Variants in TBC1D2 observed in about 807,000 individuals in gnomAD.
TBC1D2 encodes the protein TBC1 domain family member 2A.
Under a neutral mutation model 91.1 loss-of-function variants are expected in TBC1D2, and 58 were observed. That is an observed-to-expected ratio of 0.64 (90% CI 0.52 to 0.79). TBC1D2 has a LOEUF of 0.79. TBC1D2 is among the 30% of genes least tolerant of loss of function. The pLI is 0.00. For synonymous variants in TBC1D2, 482 were observed against 511.5 expected, an observed-to-expected ratio of 0.94 and a Z score of 0.78; for missense variants, 1,080 against 1,208.3, an observed-to-expected ratio of 0.89 and a Z score of 1.57.
chr9:98,229,718 C>T (rs1300248137), intron 4 of TBC1D2, among the ~76,000 whole-genome samples: 1 of 152,256 alleles, frequency 6.6e-6, no homozygotes, highest in East Asian at 1.9e-4. Context: ...ATTTCCCCCA[C>T]AGTTGATTGT....
At chr9:98,237,392 A>G (rs1347871150) in intron 3 of TBC1D2, among the ~76,000 whole-genome samples, 1 of 152,100 alleles carries the variant, frequency 6.6e-6, no homozygotes, top group African/African-American at 2.4e-5. Flanking sequence ...CTGAAAAAAA[A>G]GAAAGAAAAT....
At chr9:98,224,336 G>A (rs1221848152) in intron 5 of TBC1D2, among the ~76,000 whole-genome samples, 1 of 137,534 alleles carries the variant, frequency 7.3e-6, no homozygotes, top group Non-Finnish European at 1.5e-5. Context: ...AGGCTGGAGT[G>A]CAGTGGCGCA....
At chr9:98,210,295 C>T (rs1828796485) in intron 8 of TBC1D2, among the ~76,000 whole-genome samples, 1 of 152,200 alleles carries the variant, frequency 6.6e-6, no homozygotes, top group East Asian at 1.9e-4. Context: ...TATTTAACTG[C>T]CCATGTCCAC....
intron 3 of TBC1D2, chr9:98,235,586 C>T: frequency 2.2e-6 from 1 of 449,734 alleles, no homozygotes; most frequent in Non-Finnish European, 4.4e-6. Context: ...CTGAAGTCTT[C>T]CAATCCTTCT....
chr9:98,203,234 A>G, intron 10 of TBC1D2, 54 bp downstream of exon 10: 1 of 1,598,150 alleles, frequency 6.3e-7, no homozygotes, highest in Non-Finnish European at 8.5e-7. Flanking sequence ...TTCTAGGAAC[A>G]GCTCTGGGGC....
Position 98,213,381 on chromosome 9 carries a change from C to G in TBC1D2, c.1375-163G>C, listed in dbSNP as rs1328508804. ...AAGAAAAATAAAATACTCATAGCAC[C>G]CTTCTCTATTCTTGATGTCAGCATG... On this transcript the variant is annotated intron_variant, in intron 6 of 12. Coordinates refer to ENST00000465784, the MANE Select transcript of TBC1D2 (RefSeq NM_001267571.2). 2.1e-6 allele frequency: 3 copies of G among 1,438,196 alleles called. No homozygotes were observed. In the East Asian group the frequency reaches 7.7e-5, roughly 37 times the overall value. The allele number at this position is 1,438,196 out of a possible 1,614,324, so 89.1% of individuals were successfully genotyped here.
In TBC1D2 at chr9:98,228,981, T is replaced by C. The variant is rs538999044; in HGVS notation, c.949A>G (p.Met317Val). The C allele has an allele frequency of 1.9e-6, 3 of 1,613,888 alleles. No individual in the cohort carries two copies. The highest frequency in any genetic ancestry group is 1.3e-5 in the African/African-American group (1 of 74,928). The change falls in exon 5 of 13, where the codon ATG (methionine) becomes GTG (valine). Residue 317 changes from methionine (M) to valine (V), a missense_variant. Coordinates refer to ENST00000465784, the MANE Select transcript of TBC1D2 (RefSeq NM_001267571.2). The surrounding 1 kb of genome is among the most constrained non-coding windows in gnomAD (Gnocchi z 4.0). The part of the protein sequence containing the change: ...KVAALEQQVL[M>V]LTKELKSQKE... The stretch of plus-strand genomic sequence containing the variant: ...TGAGACTTTAACTCCTTGGTGAGCA[T>C]CAGAACCTGTTGCTCCAAGGCTGCC...
At chr9:98,233,964 C>T (rs535799639) in intron 3 of TBC1D2, among the ~76,000 whole-genome samples, 1 of 152,270 alleles carries the variant, frequency 6.6e-6, no homozygotes, top group South Asian at 2.1e-4. Flanking sequence ...CCAACTTTCC[C>T]GAAACCTTCA....
chr9:98,201,220 G>A (rs879726973), intron 11 of TBC1D2, among the ~76,000 whole-genome samples: 1 of 152,104 alleles, frequency 6.6e-6, no homozygotes, highest in Non-Finnish European at 1.5e-5. Context: ...TGACTAGGGG[G>A]CAAGGACAGC....
At chr9:98,218,297 TG>T (rs1829016819) in intron 6 of TBC1D2, among the ~76,000 whole-genome samples, 1 of 152,086 alleles carries the variant, frequency 6.6e-6, no homozygotes, top group Non-Finnish European at 1.5e-5. Flanking sequence ...CCAGGTGCGG[TG>T]GCTCACACCT....
intron 6 of TBC1D2, among the ~76,000 whole-genome samples, chr9:98,217,859 G>A (rs892275090): frequency 7.9e-5 from 12 of 152,024 alleles, no homozygotes; most frequent in Non-Finnish European, 1.3e-4. Context: ...GGACTATGGC[G>A]GGTGCCTTCA....
intron 9 of TBC1D2, among the ~76,000 whole-genome samples, chr9:98,207,854 C>A (rs3780448): frequency 0.072 from 10,929 of 152,274 alleles, 459 homozygotes; most frequent in East Asian, 0.14. Context: ...ATGAAGGCTG[C>A]CCCCTGGGGT....
chr9:98,241,753 C>A (rs1362323860), intron 3 of TBC1D2, among the ~76,000 whole-genome samples: 1 of 152,170 alleles, frequency 6.6e-6, no homozygotes, highest in East Asian at 1.9e-4. Context: ...CACCCAGTTC[C>A]CTGTAGCTCC....
In TBC1D2 at chr9:98,218,060, C is replaced by T. The variant is rs572487600; in HGVS notation, c.1374+2773G>A. On this transcript the variant is annotated intron_variant, in intron 6 of 12. Transcript: ENST00000465784. Reference sequence around the variant, plus strand: ...GAGATGAGATCTTGCTATGTTTCCCCGGCTTGTCTCTAACTCCTGGCCTCA... The same window carrying T: ...GAGATGAGATCTTGCTATGTTTCCCTGGCTTGTCTCTAACTCCTGGCCTCA... Among the ~76,000 whole-genome samples the T allele has an allele frequency of 7.8e-4, 118 of 151,966 alleles. 1 individual carries two copies. The highest frequency in any genetic ancestry group is 2.5e-3 in the African/African-American group (105 of 41,476).
At position 98,245,123 on chromosome 9, in the gene TBC1D2, C is replaced by T. The variant is rs560417275; in HGVS notation, c.512-994G>A. Among the ~76,000 whole-genome samples, 3 of 152,174 alleles carry T rather than the reference C, an allele frequency of 2.0e-5. No homozygotes were observed. In the South Asian group the frequency reaches 6.2e-4, roughly 32 times the overall value. On this transcript the variant is annotated intron_variant, in intron 2 of 12. Transcript: ENST00000465784. ...GGCATGGTTGCAGGCGCCTGTAGTC[C>T]CAGCTACTTGGGAGGCTGAGGCAGG...
rs1435814273 is a variant in TBC1D2 at position 98,255,343 on chromosome 9, G to T, written c.199C>A (p.Arg67Ser). ...TTCCTTTCGTCGTAGAAGAACCAGC[G>T]GGATTTCCAGCCCCGGATGGGCCCT... is the stretch of plus-strand genomic sequence containing the variant. Reference protein sequence around the residue: ...GKGPIRGWKSRWFFYDERKCQ... With the variant: ...GKGPIRGWKSSWFFYDERKCQ... Residue 67 changes from arginine (R) to serine (S), a missense_variant, in exon 1 of 13, where the codon CGC becomes AGC. By Grantham distance (110) the Arg-to-Ser change is moderately radical. Coordinates refer to ENST00000465784, the MANE Select transcript of TBC1D2 (RefSeq NM_001267571.2). 6.2e-7 allele frequency: 1 copy of T among 1,614,230 alleles called. No homozygotes were observed. The highest frequency in any genetic ancestry group is 1.1e-5 in the South Asian group (1 of 91,086).
At chr9:98,216,253 G>A (rs746783954) in intron 6 of TBC1D2, among the ~76,000 whole-genome samples, 4 of 152,192 alleles carry the variant, frequency 2.6e-5, no homozygotes, top group Non-Finnish European at 4.4e-5. Context: ...ACGTGAGCGT[G>A]AGCATCGTCT....
intron 2 of TBC1D2, among the ~76,000 whole-genome samples, chr9:98,250,832 A>G (rs901907693): frequency 1.3e-5 from 2 of 152,192 alleles, no homozygotes; most frequent in African/African-American, 4.8e-5. Context: ...TACCGATCCT[A>G]AAACCTGCCA....
chr9:98,226,755 G>C (rs1407915535), intron 5 of TBC1D2, among the ~76,000 whole-genome samples: 3 of 152,126 alleles, frequency 2.0e-5, no homozygotes, highest in Non-Finnish European at 4.4e-5. Context: ...AAGGTTACCT[G>C]GTAGAAAAAA....
Sources: allele counts gnomAD v4.1 joint callset (sites outside exome capture counted in the v4.1 genomes callset), GRCh38; gene constraint gnomAD v4.1.1; non-coding constraint Gnocchi (gnomAD v3.1); transcripts MANE v1.5; gene names NCBI Gene and HGNC (gene_info 2026-07-23, HGNC 2026-07-21).